Variants in CUL2 observed in about 807,000 individuals in gnomAD.
The protein encoded by CUL2 is cullin 2, also known as cullin-2.
A neutral mutation model predicts 110.2 loss-of-function variants in CUL2; 22 were observed. That is an observed-to-expected ratio of 0.20 (90% CI 0.14 to 0.28). The LOEUF is 0.28. Ranked by LOEUF, CUL2 falls within the 10% of genes least tolerant of loss-of-function variation. CUL2 has a pLI of 1.00. For synonymous variants in CUL2, 279 were observed against 293.2 expected (o/e 0.95, Z 0.49); for missense variants, 631 against 905.5 (o/e 0.70, Z 3.89).
At chr10:35,061,046 A>C in intron 3 of CUL2, 78 bp from the exon 4 acceptor site, 3 of 1,395,568 alleles carry the variant, frequency 2.1e-6, no homozygotes, top group South Asian at 2.7e-5. Context: ...TATCAAAATT[A>C]ATGTTCTAAA....
chr10:35,071,614 T>A (rs551956365), intron 1 of CUL2, among the ~76,000 whole-genome samples: 1 of 152,338 alleles, frequency 6.6e-6, no homozygotes, highest in Non-Finnish European at 1.5e-5. Flanking sequence ...TTCACTGTGT[T>A]AGCCAGGATG....
chr10:35,114,144 G>A (rs920888846), intron 1 of CUL2, among the ~76,000 whole-genome samples: 3 of 151,146 alleles, frequency 2.0e-5, no homozygotes, highest in South Asian at 4.2e-4. Context: ...GGATGGTCTC[G>A]ATCTCCTGAC....
chr10:35,027,414 G>A (rs942989076), intron 16 of CUL2, among the ~76,000 whole-genome samples: 1 of 152,074 alleles, frequency 6.6e-6, no homozygotes, highest in Non-Finnish European at 1.5e-5. Context: ...AAGGTGCTGG[G>A]ATTACAGGCG....
rs182908061 is a variant in CUL2, at chr10:35,040,401, A to G, written c.715-1319T>C. On this transcript the variant is annotated intron_variant, in intron 8 of 20. Transcript: ENST00000374749. Reference sequence around the variant, plus strand: ...TGCACCGGCTTGGAAACACTCTGGAACATAAAGCTGTGTAATTAGAGTTTC... The same window carrying G: ...TGCACCGGCTTGGAAACACTCTGGAGCATAAAGCTGTGTAATTAGAGTTTC... Among the ~76,000 whole-genome samples, 3 of 152,358 alleles carry G rather than the reference A, an allele frequency of 2.0e-5. No individual in the cohort carries two copies. In the East Asian group the frequency reaches 5.8e-4, roughly 29 times the overall value.
Position 35,031,348 on chromosome 10 carries a change from C to G in CUL2, c.1338G>C (p.Gly446=). Residue 446 remains glycine (G), a synonymous_variant, in exon 14 of 21, where the codon GGG becomes GGC. Transcript: ENST00000374749. This position sits in a 1 kb window ranked among gnomAD's most constrained non-coding sequence, Gnocchi z 4.4. ...ARMLAKRLIH[G]LSMSMDSEEA... ...CTTCAGAGTCCATAGACATGGATAA[C>G]CCATGAATTAAACGTTTTGCCAGCA... 1 of 1,609,234 alleles carries G rather than the reference C, an allele frequency of 6.2e-7. No homozygotes were observed. The highest frequency in any genetic ancestry group is 8.5e-7 in the Non-Finnish European group (1 of 1,177,904).
intron 4 of CUL2, among the ~76,000 whole-genome samples, chr10:35,059,039 T>C (rs1436645927): frequency 1.3e-5 from 2 of 152,172 alleles, no homozygotes; most frequent in African/African-American, 4.8e-5. Flanking sequence ...TGCAATCTCA[T>C]GATATAACTT....
intron 1 of CUL2, among the ~76,000 whole-genome samples, chr10:35,106,388 C>G (rs987041302): frequency 2.6e-5 from 4 of 151,636 alleles, no homozygotes. Flanking sequence ...GGCGCGATCT[C>G]CGGTCACTGC....
intron 19 of CUL2, among the ~76,000 whole-genome samples, chr10:35,013,448 T>A (rs4934529): frequency 0.29 from 44,539 of 151,996 alleles, 7,054 homozygotes; most frequent in South Asian, 0.35. Flanking sequence ...AGAGAATGCA[T>A]AGTTACACAT....
chr10:35,123,338 C>T (rs1362964835), intron 1 of CUL2, among the ~76,000 whole-genome samples: 1 of 152,190 alleles, frequency 6.6e-6, no homozygotes, highest in Admixed American at 6.5e-5. Flanking sequence ...TCTCCTTTCA[C>T]TTCTGTTCCT....
chr10:35,099,639 G>A (rs2087349323), intron 2 of CUL2: 1 of 152,086 alleles, frequency 6.6e-6, no homozygotes, highest in East Asian at 1.9e-4. Context: ...AGCTGTGTGT[G>A]GTGGTGCATG....
chr10:35,125,685 A>C (rs1295083013), intron 1 of CUL2, among the ~76,000 whole-genome samples: 1 of 152,268 alleles, frequency 6.6e-6, no homozygotes, highest in African/African-American at 2.4e-5. Context: ...TATTATAACG[A>C]AATGAAAACA....
chr10:35,071,663 C>T (rs2086685162), intron 1 of CUL2, among the ~76,000 whole-genome samples: 1 of 152,174 alleles, frequency 6.6e-6, no homozygotes, highest in African/African-American at 2.4e-5. Context: ...CCACCTTGGC[C>T]TCCCAAAGTG....
chr10:35,079,402 T>C (rs904480830), intron 1 of CUL2, among the ~76,000 whole-genome samples: 1 of 152,212 alleles, frequency 6.6e-6, no homozygotes, highest in Non-Finnish European at 1.5e-5. Flanking sequence ...TTAGAGTAAA[T>C]GGTTTGGTGT....
chr10:35,119,563 T>A (rs2087651625), intron 1 of CUL2, among the ~76,000 whole-genome samples: 1 of 8,230 alleles, frequency 1.2e-4, no homozygotes, highest in African/African-American at 1.7e-4. Context: ...AAATTAATTT[T>A]ATTTATTTAT....
upstream of CUL2, among the ~76,000 whole-genome samples, chr10:35,091,412 C>T (rs1450263494): frequency 6.6e-6 from 1 of 152,190 alleles, no homozygotes; most frequent in African/African-American, 2.4e-5. Context: ...TACTTGAAGT[C>T]TCTACTCTTT....
chr10:35,041,304 G>A (rs528657660), intron 8 of CUL2, among the ~76,000 whole-genome samples: 2 of 152,290 alleles, frequency 1.3e-5, no homozygotes, highest in South Asian at 4.1e-4. Context: ...GATAACTTGG[G>A]AGAGAGAGGC....
intron 5 of CUL2, among the ~76,000 whole-genome samples, chr10:35,050,229 G>A (rs1167355520): frequency 2.0e-5 from 3 of 151,776 alleles, no homozygotes; most frequent in African/African-American, 7.3e-5. Context: ...GCTGAGGCAG[G>A]AGAATTGCTT....
chr10:35,033,882 A>G (rs2085544303), intron 10 of CUL2, among the ~76,000 whole-genome samples: 1 of 152,230 alleles, frequency 6.6e-6, no homozygotes, highest in Admixed American at 6.5e-5. Context: ...GGAATAACTT[A>G]TCTTAAGGAT....
At chr10:35,027,107 AATAG>A (rs1181831756) in intron 16 of CUL2, among the ~76,000 whole-genome samples, 1 of 151,818 alleles carries the variant, frequency 6.6e-6, no homozygotes, top group Non-Finnish European at 1.5e-5. Context: ...ATTTACCTTT[AATAG>A]ATAGCTACAT....
Sources: gnomAD v4.1 joint callset for allele counts (sites outside exome capture counted in the v4.1 genomes callset) on GRCh38, gnomAD v4.1.1 for gene constraint, Gnocchi (gnomAD v3.1) non-coding constraint, MANE v1.5 for transcripts, NCBI Gene and HGNC (gene_info 2026-07-23, HGNC 2026-07-21) for gene names.